Variants in ANO1 observed in about 807,000 individuals in gnomAD.
ANO1 encodes anoctamin-1.
Under a neutral mutation model 124.0 loss-of-function variants are expected in ANO1, and 59 were observed. The ratio of observed to expected loss-of-function variants is 0.48; its 90% confidence interval spans 0.39 to 0.59. The LOEUF is 0.59. Ranked by LOEUF, ANO1 falls within the 20% of genes least tolerant of loss-of-function variation. The probability of loss-of-function intolerance (pLI) is 0.00; values close to 1 mark genes in which losing one functional copy is unlikely to be tolerated. For synonymous variants in ANO1, 529 were observed against 532.0 expected (o/e 0.99, Z 0.08); for missense variants, 1,059 against 1,328.0 (o/e 0.80, Z 3.15).
chr11:70,010,823 C>T (rs1188867274), intron 1 of ANO1, among the ~76,000 whole-genome samples: 1 of 152,202 alleles, frequency 6.6e-6, no homozygotes, highest in South Asian at 2.1e-4. Flanking sequence ...CTCAGAGATG[C>T]CTTCCTCAAC....
chr11:70,022,542 G>A (rs1856826666), intron 1 of ANO1, among the ~76,000 whole-genome samples: 1 of 151,792 alleles, frequency 6.6e-6, no homozygotes. Flanking sequence ...GGAGATGGAG[G>A]TTGCAGTGAG....
chr11:70,133,243 G>A (rs1373866321), intron 11 of ANO1, among the ~76,000 whole-genome samples: 1 of 152,178 alleles, frequency 6.6e-6, no homozygotes, highest in African/African-American at 2.4e-5. Context: ...GGCTCTGTGT[G>A]GCCCTTACCC....
Position 70,188,209 on chromosome 11 carries a change from TA to T in ANO1, c.*206del. On this transcript the variant is annotated 3_prime_UTR_variant, in exon 26 of 26. Coordinates refer to ENST00000355303, the MANE Select transcript of ANO1 (RefSeq NM_018043.7). The stretch of plus-strand genomic sequence containing the variant: ...TTGCACAAAGCCATTATGCAGGGAA[TA>T]TTTTTTAATCTGTAGTATTCAAGAT... The T allele has an allele frequency of 1.5e-6, 1 of 648,896 alleles. No homozygotes were observed. The highest frequency in any genetic ancestry group is 2.6e-6 in the Non-Finnish European group (1 of 384,822). The allele number at this position is 648,896 out of a possible 1,614,324, so 40.2% of individuals were successfully genotyped here.
chr11:70,170,816 C>G (rs7127005), intron 21 of ANO1, 71 bp from the exon 22 acceptor site: 1 of 1,541,692 alleles, frequency 6.5e-7, no homozygotes, highest in Non-Finnish European at 8.8e-7. Context: ...GCTCGGCACA[C>G]GGGGTGGTGG....
chr11:70,080,570 G>C (rs1287299399), intron 1 of ANO1, among the ~76,000 whole-genome samples: 1 of 152,136 alleles, frequency 6.6e-6, no homozygotes, highest in Non-Finnish European at 1.5e-5. Flanking sequence ...AATGGAGCCT[G>C]TCATGAATAG....
At chr11:70,155,799 C>T (rs1307031138) in intron 14 of ANO1, 112 bp from the exon 15 acceptor site, 4 of 1,006,648 alleles carry the variant, frequency 4.0e-6, no homozygotes, top group Admixed American at 7.1e-5. Context: ...ACGGCCCGCA[C>T]CAGGAGGGGC....
At chr11:70,043,344 C>A (rs1857210390) in intron 1 of ANO1, among the ~76,000 whole-genome samples, 1 of 152,022 alleles carries the variant, frequency 6.6e-6, no homozygotes, top group Non-Finnish European at 1.5e-5. Flanking sequence ...ATTTGTGGAA[C>A]AATACCAAGT....
Position 70,170,854 on chromosome 11 carries a change from G to A in ANO1, c.2198-33G>A, listed in dbSNP as rs369519041. 29 of 1,604,866 alleles carry A rather than the reference G, an allele frequency of 1.8e-5. 1 individual carries two copies. The highest frequency in any genetic ancestry group is 3.3e-4 in the Middle Eastern group (2 of 6,056). ...TCCCCCCTTATGGGCTGTGGCTCAC[G>A]GGGTGCTGACTAGCACTGGGCTCTC... On this transcript the variant is annotated intron_variant, in intron 21 of 25. Transcript: ENST00000355303.
chr11:69,968,627 G>A, the ANO1 span, among the ~76,000 whole-genome samples: 1 of 152,182 alleles, frequency 6.6e-6, no homozygotes, highest in Non-Finnish European at 1.5e-5. Context: ...GCCCCCGATG[G>A]CCCTGCTGAG....
intron 6 of ANO1, among the ~76,000 whole-genome samples, chr11:70,111,484 G>C (rs892719523): frequency 6.6e-6 from 1 of 152,132 alleles, no homozygotes; most frequent in Non-Finnish European, 1.5e-5. Context: ...TCTGCCAATC[G>C]AGCATGTGTT....
At chr11:70,090,066 G>C (rs1197067535) in intron 2 of ANO1, among the ~76,000 whole-genome samples, 1 of 152,176 alleles carries the variant, frequency 6.6e-6, no homozygotes, top group Non-Finnish European at 1.5e-5. Flanking sequence ...CTGTTGCCCA[G>C]GCTGGAGTGC....
intron 17 of ANO1, 28 bp from the exon 18 acceptor site, chr11:70,161,594 C>T: frequency 6.2e-7 from 1 of 1,608,680 alleles, no homozygotes; most frequent in Non-Finnish European, 8.5e-7. Flanking sequence ...CAGCCACAGC[C>T]TCAGTATCAT....
chr11:70,161,797 C>A, intron 18 of ANO1, 64 bp downstream of exon 18: 1 of 1,517,432 alleles, frequency 6.6e-7, no homozygotes, highest in Non-Finnish European at 9.1e-7. Flanking sequence ...GGCTCTCCCT[C>A]CCCACAGGTT....
intron 2 of ANO1, among the ~76,000 whole-genome samples, chr11:70,097,819 T>C (rs192884407): frequency 3.3e-5 from 5 of 152,324 alleles, no homozygotes; most frequent in African/African-American, 9.6e-5. Context: ...TCACTGAGCC[T>C]CTGCTCTGTG....
chr11:69,974,674 C>G, the ANO1 span, among the ~76,000 whole-genome samples: 2 of 152,154 alleles, frequency 1.3e-5, no homozygotes, highest in East Asian at 3.9e-4. Flanking sequence ...CTCTGAGCCT[C>G]CCAGCAGCCA....
chr11:69,997,880 C>G (rs1367294675), intron 1 of ANO1, among the ~76,000 whole-genome samples: 1 of 152,186 alleles, frequency 6.6e-6, no homozygotes, highest in African/African-American at 2.4e-5. Context: ...TGAGGCCTCC[C>G]CAGAAGCAGA....
rs201962504 is a variant in ANO1, at chr11:70,185,633, G to T, written c.2632G>T (p.Asp878Tyr). The T allele has an allele frequency of 1.9e-6, 3 of 1,613,918 alleles. No homozygotes were observed. Among genetic ancestry groups the T allele is most frequent in the Non-Finnish European group, 2.5e-6 (3 of 1,179,844 alleles). Residue 878 changes from aspartate (D) to tyrosine (Y), a missense_variant, in exon 25 of 26, where the codon GAC (aspartate) becomes TAC (tyrosine). Physicochemically the swap from Asp to Tyr is radical, Grantham distance 160. Around this residue, in one of 2 missense-constraint regions of ANO1, gnomAD observed 809 missense variants for 1,094.9 expected, o/e 0.74. Transcript: ENST00000355303. Reference sequence around the variant, plus strand: ...GCCGCCGTGGTCGGAAAACAAGTACGACATCTCCAAGGACTTCTGGGCCGT... The same window carrying T: ...GCCGCCGTGGTCGGAAAACAAGTACTACATCTCCAAGGACTTCTGGGCCGT... ...REPPWSENKY[D>Y]ISKDFWAVLA...
At chr11:70,164,894 T>G (rs1438581767) in intron 19 of ANO1, among the ~76,000 whole-genome samples, 2 of 152,068 alleles carry the variant, frequency 1.3e-5, no homozygotes, top group East Asian at 1.9e-4. Context: ...GCTTACTCCC[T>G]CCCAGTGCGC....
intron 14 of ANO1, among the ~76,000 whole-genome samples, chr11:70,153,859 G>A (rs191740907): frequency 2.6e-5 from 4 of 152,034 alleles, no homozygotes; most frequent in East Asian, 1.9e-4. Flanking sequence ...CCCGCCTCCC[G>A]GGTTCAAGCA....
Sources: allele counts gnomAD v4.1 joint callset (sites outside exome capture counted in the v4.1 genomes callset), GRCh38; gene constraint gnomAD v4.1.1; regional missense constraint gnomAD v4.1.1; transcripts MANE v1.5; gene names NCBI Gene and HGNC (gene_info 2026-07-23, HGNC 2026-07-21).